Variants in TRPS1 observed in about 807,000 individuals in gnomAD.
TRPS1 encodes transcriptional repressor GATA binding 1, also known as zinc finger transcription factor Trps1.
A neutral mutation model predicts 101.2 loss-of-function variants in TRPS1; 6 were observed. That is an observed-to-expected ratio of 0.06 (90% confidence interval 0.03 to 0.12). The LOEUF (loss-of-function observed/expected upper bound fraction) is 0.12. TRPS1 is among the 10% of genes least tolerant of loss of function. The pLI, the probability that TRPS1 is intolerant of heterozygous loss-of-function variation, is 1.00. For synonymous variants in TRPS1, 578 were observed against 589.8 expected (o/e 0.98, Z 0.29); for missense variants, 1,363 against 1,567.0 (o/e 0.87, Z 2.20).
At position 115,651,749 on chromosome 8, in the gene TRPS1, A is replaced by G. The variant is rs974741818; in HGVS notation, c.-122+16796T>C. Among the ~76,000 whole-genome samples, 3 of 152,310 alleles carry G rather than the reference A, an allele frequency of 2.0e-5. No homozygotes were observed. In the East Asian group the frequency reaches 5.8e-4, roughly 29 times the overall value. ...CAGAAGTGAACATGCCGAGGAACAG[A>G]TAGAATCCCTGTAGTTAAGGTTGCG... On this transcript the variant is annotated intron_variant, in intron 1 of 6. Coordinates refer to ENST00000395715, the MANE Select transcript of TRPS1 (RefSeq NM_014112.5).
intron 5 of TRPS1, among the ~76,000 whole-genome samples, chr8:115,541,133 C>T (rs1816442614): frequency 6.6e-6 from 1 of 152,144 alleles, no homozygotes; most frequent in Non-Finnish European, 1.5e-5. Flanking sequence ...TACAGGTCAA[C>T]TAATAGTAGC....
chr8:115,589,239 CA>C (rs1162972616), intron 4 of TRPS1, among the ~76,000 whole-genome samples: 31 of 152,078 alleles, frequency 2.0e-4, no homozygotes, highest in Non-Finnish European at 1.0e-4. Flanking sequence ...ATGGTAGGGA[CA>C]GGGGATCTCG....
At chr8:115,656,643 T>C (rs898669329) in intron 1 of TRPS1, among the ~76,000 whole-genome samples, 1 of 152,172 alleles carries the variant, frequency 6.6e-6, no homozygotes, top group Admixed American at 6.5e-5. Flanking sequence ...CCAACATCAC[T>C]GTTTTTTTGA....
chr8:115,420,878 C>G, intron 5 of TRPS1, among the ~76,000 whole-genome samples: 1 of 152,138 alleles, frequency 6.6e-6, no homozygotes, highest in East Asian at 1.9e-4. Flanking sequence ...TGCCAGAACA[C>G]TGATATTCAA....
At chr8:115,470,983 G>T (rs1306458547) in intron 5 of TRPS1, among the ~76,000 whole-genome samples, 2 of 152,298 alleles carry the variant, frequency 1.3e-5, no homozygotes, top group Non-Finnish European at 2.9e-5. Flanking sequence ...ATAGTGTTCT[G>T]CTTCTGTGAT....
chr8:115,590,667 T>A (rs186893488), intron 4 of TRPS1, among the ~76,000 whole-genome samples: 66 of 152,338 alleles, frequency 4.3e-4, no homozygotes, highest in African/African-American at 1.6e-3. Flanking sequence ...TTAAGGAGAA[T>A]GCTTAAGCTT....
chr8:115,586,201 G>A (rs1236868351), intron 5 of TRPS1, among the ~76,000 whole-genome samples: 1 of 152,212 alleles, frequency 6.6e-6, no homozygotes, highest in African/African-American at 2.4e-5. Flanking sequence ...AAATGTCCAA[G>A]AGGTGGTGTC....
chr8:115,535,154 T>TATATA, intron 5 of TRPS1, among the ~76,000 whole-genome samples: 1 of 144,846 alleles, frequency 6.9e-6, no homozygotes, highest in East Asian at 2.0e-4. Context: ...ATATAGCATA[T>TATATA]GTATAGCATA....
chr8:115,467,024 T>C (rs1010753653), intron 5 of TRPS1, among the ~76,000 whole-genome samples: 16 of 152,252 alleles, frequency 1.1e-4, no homozygotes, highest in African/African-American at 3.8e-4. Flanking sequence ...CCTGTAATGG[T>C]TGGTACGATC....
chr8:115,476,946 C>CA (rs1394612383), intron 5 of TRPS1, among the ~76,000 whole-genome samples: 1 of 152,102 alleles, frequency 6.6e-6, no homozygotes, highest in Non-Finnish European at 1.5e-5. Context: ...CTGCATTTCT[C>CA]AAAAACAACA....
At chr8:115,598,101 C>T (rs910862338) in intron 4 of TRPS1, among the ~76,000 whole-genome samples, 6 of 152,110 alleles carry the variant, frequency 3.9e-5, no homozygotes. Flanking sequence ...ATTTTCTCAC[C>T]ATTTTTTAAA....
chr8:115,581,612 C>G (rs1164312307), intron 5 of TRPS1, among the ~76,000 whole-genome samples: 2 of 152,016 alleles, frequency 1.3e-5, no homozygotes, highest in African/African-American at 4.8e-5. Context: ...GCTTAAAAAT[C>G]TCATTAATCA....
intron 3 of TRPS1, among the ~76,000 whole-genome samples, chr8:115,611,398 C>T (rs1204575266): frequency 1.3e-5 from 2 of 152,142 alleles, no homozygotes; most frequent in African/African-American, 4.8e-5. Flanking sequence ...AACACATCTA[C>T]TATGTGCCAA....
chr8:115,601,174 T>G (rs1817899282), intron 4 of TRPS1, among the ~76,000 whole-genome samples: 1 of 152,176 alleles, frequency 6.6e-6, no homozygotes, highest in Non-Finnish European at 1.5e-5. Flanking sequence ...TACTACACCA[T>G]TAAGTCTTCT....
intron 5 of TRPS1, among the ~76,000 whole-genome samples, chr8:115,446,945 C>A (rs1483203857): frequency 6.6e-6 from 1 of 152,094 alleles, no homozygotes; most frequent in African/African-American, 2.4e-5. Context: ...TACTGTTTTT[C>A]AAAGGTGAGG....
chr8:115,442,963 G>A (rs1212684629), intron 5 of TRPS1, among the ~76,000 whole-genome samples: 1 of 152,128 alleles, frequency 6.6e-6, no homozygotes, highest in Admixed American at 6.6e-5. Flanking sequence ...GGACGTGGTG[G>A]CGGGCGCCTG....
intron 5 of TRPS1, among the ~76,000 whole-genome samples, chr8:115,522,588 C>G (rs1026905439): frequency 6.6e-6 from 1 of 151,980 alleles, no homozygotes; most frequent in African/African-American, 2.4e-5. Flanking sequence ...AGTTTGATAA[C>G]ACCAGAAAAT....
At position 115,567,945 on chromosome 8, in the gene TRPS1, C is replaced by T. The variant is rs978182867; in HGVS notation, c.2700+19056G>A. On this transcript the variant is annotated intron_variant, in intron 5 of 6. Coordinates refer to ENST00000395715, the MANE Select transcript of TRPS1 (RefSeq NM_014112.5). ...GTTGTAAGAGGCTATGGTTTCAACA[C>T]CTCTCATACTGAGAGTTTTAAACCA... is the stretch of plus-strand genomic sequence containing the variant. Among the ~76,000 whole-genome samples the T allele has an allele frequency of 9.9e-5, 15 of 152,126 alleles. No homozygotes were observed. In the South Asian group the frequency reaches 1.2e-3, roughly 13 times the overall value.
intron 5 of TRPS1, among the ~76,000 whole-genome samples, chr8:115,555,060 G>C (rs1330162024): frequency 6.6e-6 from 1 of 152,138 alleles, no homozygotes; most frequent in Non-Finnish European, 1.5e-5. Flanking sequence ...AAGTATCTGT[G>C]GGAGCTACAT....
Sources: gnomAD v4.1 joint callset for allele counts (sites outside exome capture counted in the v4.1 genomes callset) on GRCh38, gnomAD v4.1.1 for gene constraint, MANE v1.5 for transcripts, NCBI Gene and HGNC (gene_info 2026-07-23, HGNC 2026-07-21) for gene names.